The following NMNAT3 variants were observed in gnomAD, a reference collection of about 807,000 sequenced individuals.
The protein encoded by NMNAT3 is nicotinamide nucleotide adenylyltransferase 3.
NMNAT3 carries 21 observed loss-of-function variants against 24.8 expected under a neutral mutation model. The ratio of observed to expected loss-of-function variants is 0.85; its 90% confidence interval spans 0.60 to 1.22. The LOEUF (loss-of-function observed/expected upper bound fraction) is 1.22, where lower values mean the gene tolerates loss of function less well. Among genes scored for constraint, NMNAT3 ranks in the 50% most tolerant of loss-of-function variants. NMNAT3 has a pLI of 0.00. For missense variants in NMNAT3, 387 were observed against 436.6 expected (o/e 0.89, Z 1.01); for synonymous variants, 136 against 155.2 (o/e 0.88, Z 0.92).
In NMNAT3 at chr3:139,613,699, G is replaced by A. The variant is rs1287263667; in HGVS notation, c.109+13917C>T. Among the ~76,000 whole-genome samples the A allele has an allele frequency of 7.2e-5, 11 of 152,040 alleles. No homozygotes were observed. In the South Asian group the frequency reaches 1.0e-3, roughly 14 times the overall value. On this transcript the variant is annotated intron_variant, in intron 3 of 6. Transcript: ENST00000643695. ...ACACATGCACACGTATGTTTATTGCGGCACTATTCACAATAGCAAAGACTT... is the reference window on the plus strand; with the variant it reads ...ACACATGCACACGTATGTTTATTGCAGCACTATTCACAATAGCAAAGACTT...
intron 3 of NMNAT3, among the ~76,000 whole-genome samples, chr3:139,605,072 C>T (rs978024915): frequency 3.3e-5 from 5 of 152,072 alleles, no homozygotes; most frequent in Non-Finnish European, 7.4e-5. Flanking sequence ...GTTCTTAGTG[C>T]GTCTCAAGAA....
At chr3:139,674,534 A>C (rs1576811097) in intron 1 of NMNAT3, among the ~76,000 whole-genome samples, 1 of 152,238 alleles carries the variant, frequency 6.6e-6, no homozygotes, top group East Asian at 1.9e-4. Context: ...TTTAACATAG[A>C]TGTATGGAAG....
intron 5 of NMNAT3, chr3:139,575,789 G>A: frequency 8.5e-7 from 1 of 1,173,708 alleles, no homozygotes; most frequent in African/African-American, 1.6e-5. Context: ...TGTTCTTGGT[G>A]TCCTCAGCAG....
intron 1 of NMNAT3, among the ~76,000 whole-genome samples, chr3:139,668,708 A>G (rs1467959956): frequency 6.6e-6 from 1 of 152,254 alleles, no homozygotes; most frequent in Admixed American, 6.5e-5. Flanking sequence ...GAGAGTCCAT[A>G]GACTTCATCT....
At chr3:139,612,800 A>T (rs901883717) in intron 3 of NMNAT3, among the ~76,000 whole-genome samples, 1 of 152,198 alleles carries the variant, frequency 6.6e-6, no homozygotes, top group Admixed American at 6.5e-5. Flanking sequence ...AGACCAATGG[A>T]ACAGAACAGA....
chr3:139,641,560 G>C (rs1198055743), intron 1 of NMNAT3, among the ~76,000 whole-genome samples: 1 of 152,094 alleles, frequency 6.6e-6, no homozygotes, highest in East Asian at 1.9e-4. Flanking sequence ...AGGAACTAAA[G>C]AACACTCCAT....
At chr3:139,581,657 A>G (rs1419783944) in intron 4 of NMNAT3, among the ~76,000 whole-genome samples, 1 of 152,220 alleles carries the variant, frequency 6.6e-6, no homozygotes, top group African/African-American at 2.4e-5. Flanking sequence ...TACCTAATCT[A>G]TAATAAGTAG....
intron 3 of NMNAT3, among the ~76,000 whole-genome samples, chr3:139,589,773 T>C (rs1486026648): frequency 6.6e-6 from 1 of 152,196 alleles, no homozygotes; most frequent in Non-Finnish European, 1.5e-5. Flanking sequence ...GAAAATAGGC[T>C]ATGGATCAGA....
At chr3:139,622,951 G>A (rs1695721274) in intron 3 of NMNAT3, among the ~76,000 whole-genome samples, 1 of 148,228 alleles carries the variant, frequency 6.7e-6, no homozygotes, top group Non-Finnish European at 1.5e-5. Flanking sequence ...GTGAGTAAAT[G>A]TGAAGGACTA....
At chr3:139,577,710 A>G (rs892052545) in intron 5 of NMNAT3, 2 of 152,186 alleles carry the variant, frequency 1.3e-5, no homozygotes, top group African/African-American at 2.4e-5. Context: ...CTTTGTTTAT[A>G]CTAATGGGTC....
At chr3:139,622,752 G>GTA (rs1423974085) in intron 3 of NMNAT3, among the ~76,000 whole-genome samples, 2 of 137,100 alleles carry the variant, frequency 1.5e-5, no homozygotes, top group Non-Finnish European at 3.2e-5. Flanking sequence ...AAGTGTGTGT[G>GTA]TATATATATC....
At chr3:139,645,100 G>A (rs2056828852) in intron 1 of NMNAT3, among the ~76,000 whole-genome samples, 1 of 152,154 alleles carries the variant, frequency 6.6e-6, no homozygotes. Context: ...TACTCAGGAG[G>A]CTGAGGCAGG....
At chr3:139,627,484 G>A (rs2056103582) in intron 3 of NMNAT3, 132 bp downstream of exon 4, 7 of 572,374 alleles carry the variant, frequency 1.2e-5, no homozygotes. Context: ...TGAATATGAT[G>A]AAAAAAATAT....
chr3:139,573,963 A>G (rs1938877264), intron 5 of NMNAT3, among the ~76,000 whole-genome samples: 2 of 151,622 alleles, frequency 1.3e-5, no homozygotes, highest in Non-Finnish European at 2.9e-5. Context: ...CATTTTCTTC[A>G]ATATTTCTCA....
chr3:139,573,593 C>T lies in NMNAT3; in HGVS notation c.658+5G>A. 6.4e-7 allele frequency: 1 copy of T among 1,561,086 alleles called. No homozygotes were observed. The highest frequency in any genetic ancestry group is 8.7e-7 in the Non-Finnish European group (1 of 1,148,770). On this transcript the variant is annotated splice_donor_5th_base_variant and intron_variant, in intron 6 of 6. Coordinates refer to ENST00000643695, the MANE Select transcript of NMNAT3 (RefSeq NM_001320510.2). ...TCTCCTACAGACAAGAGGATCAGCA[C>T]CCACCTGCAGGGGTCGAGAAGAGTG...
At chr3:139,598,344 T>G in intron 3 of NMNAT3, among the ~76,000 whole-genome samples, 1 of 152,332 alleles carries the variant, frequency 6.6e-6, no homozygotes, top group East Asian at 1.9e-4. Context: ...AGTGATACTT[T>G]GTGACTTCTG....
intron 6 of NMNAT3, chr3:139,569,487 T>C (rs2108027627): frequency 6.6e-6 from 1 of 152,334 alleles, no homozygotes; most frequent in Non-Finnish European, 1.5e-5. Context: ...GTACCAGTTG[T>C]TCCTTTCCAT....
At chr3:139,676,528 T>C (rs1242385100) in intron 1 of NMNAT3, among the ~76,000 whole-genome samples, 1 of 152,192 alleles carries the variant, frequency 6.6e-6, no homozygotes, top group Non-Finnish European at 1.5e-5. Flanking sequence ...TGGGTGGCTT[T>C]CTGAGAAAAA....
chr3:139,602,494 G>GTC (rs2054761084), intron 3 of NMNAT3, among the ~76,000 whole-genome samples: 1 of 152,216 alleles, frequency 6.6e-6, no homozygotes, highest in South Asian at 2.1e-4. Flanking sequence ...TCAAAGTGAA[G>GTC]TCTGCATTGA....
Sources: gnomAD v4.1 joint callset for allele counts (sites outside exome capture counted in the v4.1 genomes callset) on GRCh38, gnomAD v4.1.1 for gene constraint, MANE v1.5 for transcripts, NCBI Gene and HGNC (gene_info 2026-07-23, HGNC 2026-07-21) for gene names.